Variants in DMD observed in about 807,000 individuals in gnomAD.
DMD encodes the protein mutant dystrophin.
Under a neutral mutation model 330.1 loss-of-function variants are expected in DMD, and 63 were observed. That is an observed-to-expected ratio of 0.19 (90% CI 0.16 to 0.24). The LOEUF (loss-of-function observed/expected upper bound fraction) is 0.24, where lower values mean the gene tolerates loss of function less well. Ranked by LOEUF, DMD falls within the 10% of genes least tolerant of loss-of-function variation. The pLI, the probability that DMD is intolerant of heterozygous loss-of-function variation, is 1.00. For synonymous variants in DMD, 1,223 were observed against 959.8 expected (o/e 1.27, Z -5.07); for missense variants, 3,344 against 2,684.1 (o/e 1.25, Z -5.43).
chrX:32,661,530 A>C (rs1229434736), intron 9 of DMD, among the ~76,000 whole-genome samples: 2 of 111,467 alleles, frequency 1.8e-5, no homozygotes, highest in Non-Finnish European at 3.8e-5. Context: ...GTAATAACTC[A>C]AGGGGAAGAA....
intron 44 of DMD, among the ~76,000 whole-genome samples, chrX:32,134,737 C>G (rs775165763): frequency 2.3e-3 from 258 of 111,435 alleles, no homozygotes; most frequent in African/African-American, 7.2e-3. Flanking sequence ...TTGTTATTGC[C>G]ACTTGTATAA....
chrX:31,563,726 C>G (rs983378252), intron 55 of DMD, among the ~76,000 whole-genome samples: 4 of 111,584 alleles, frequency 3.6e-5, no homozygotes, highest in Non-Finnish European at 7.5e-5. Flanking sequence ...TAAGGCAAAA[C>G]AATGAAAGTG....
At chrX:32,422,703 C>A (rs1235451033) in intron 29 of DMD, among the ~76,000 whole-genome samples, 1 of 111,265 alleles carries the variant, frequency 9.0e-6, no homozygotes, top group African/African-American at 3.3e-5. Flanking sequence ...TATTTTTATT[C>A]CTCATTCCAT....
chrX:33,081,431 G>A (rs751955142), intron 1 of DMD, among the ~76,000 whole-genome samples: 3 of 111,422 alleles, frequency 2.7e-5, no homozygotes, highest in Admixed American at 9.5e-5. Context: ...GTGCCACCAC[G>A]CCTGGCTAAT....
chrX:31,867,308 G>T (rs1426081039), intron 48 of DMD, among the ~76,000 whole-genome samples: 1 of 108,952 alleles, frequency 9.2e-6, no homozygotes, highest in Non-Finnish European at 1.9e-5. Flanking sequence ...AATTTTTTTA[G>T]AAAGTAGTGT....
At chrX:31,776,601 G>A (rs1334017428) in intron 50 of DMD, among the ~76,000 whole-genome samples, 2 of 91,324 alleles carry the variant, frequency 2.2e-5, no homozygotes, top group Non-Finnish European at 4.4e-5. Context: ...GGGAGGGAGG[G>A]AGGGAGGAAG....
intron 7 of DMD, among the ~76,000 whole-genome samples, chrX:32,722,299 CA>C (rs1460412814): frequency 9.0e-6 from 1 of 110,530 alleles, no homozygotes; most frequent in Non-Finnish European, 1.9e-5. Flanking sequence ...AATACAACAA[CA>C]AAAAATATTA....
intron 16 of DMD, among the ~76,000 whole-genome samples, chrX:32,562,713 G>A (rs2051167917): frequency 8.9e-6 from 1 of 112,160 alleles, no homozygotes; most frequent in Non-Finnish European, 1.9e-5. Flanking sequence ...TTCTCCTTAT[G>A]TAATTTTAAT....
chrX:31,775,310 G>T (rs17330076), intron 50 of DMD, among the ~76,000 whole-genome samples: 83 of 111,045 alleles, frequency 7.5e-4, no homozygotes, highest in African/African-American at 2.3e-3. Flanking sequence ...TTTTATAAAC[G>T]CCTGGCTAGT....
intron 7 of DMD, among the ~76,000 whole-genome samples, chrX:32,723,345 A>G (rs2066529427): frequency 9.0e-6 from 1 of 111,373 alleles, no homozygotes; most frequent in Admixed American, 9.6e-5. Flanking sequence ...GGACTTTCAC[A>G]TCTATATTCC....
chrX:31,544,323 C>CAA (rs756215454), intron 55 of DMD, among the ~76,000 whole-genome samples: 2 of 50,861 alleles, frequency 3.9e-5, no homozygotes, highest in East Asian at 5.6e-4. Flanking sequence ...GACTCCGTCT[C>CAA]AAAAAAAAAA....
At chrX:32,501,278 G>A (rs1569564909) in intron 19 of DMD, among the ~76,000 whole-genome samples, 1 of 111,713 alleles carries the variant, frequency 9.0e-6, no homozygotes. Flanking sequence ...TTAAATGAGA[G>A]GAAGTGATAA....
intron 1 of DMD, among the ~76,000 whole-genome samples, chrX:33,295,640 T>A (rs1347357361): frequency 9.0e-6 from 1 of 111,615 alleles, no homozygotes; most frequent in African/African-American, 3.2e-5. Context: ...TAAAGCCTTG[T>A]TCTAAACAAA....
chrX:33,016,825 T>G (rs1279769282), intron 2 of DMD, among the ~76,000 whole-genome samples: 1 of 112,035 alleles, frequency 8.9e-6, no homozygotes, highest in African/African-American at 3.2e-5. Flanking sequence ...AAAATTATTT[T>G]TGGTCATGTT....
At chrX:32,441,463 C>A in intron 27 of DMD, 149 bp from the exon 28 acceptor site, 1 of 493,081 alleles carries the variant, frequency 2.0e-6, no homozygotes, top group Non-Finnish European at 3.4e-6. Flanking sequence ...TGCAGCTAGA[C>A]AGTTTCATCA....
chrX:31,324,384 C>T (rs1189320221), intron 61 of DMD, among the ~76,000 whole-genome samples: 1 of 97,409 alleles, frequency 1.0e-5, no homozygotes, highest in Non-Finnish European at 2.0e-5. Context: ...AATGAATGAT[C>T]TTTGCATTGT....
intron 63 of DMD, among the ~76,000 whole-genome samples, chrX:31,251,689 G>C (rs778894952): frequency 3.6e-5 from 4 of 112,301 alleles, no homozygotes; most frequent in Admixed American, 1.9e-4. Context: ...CAGCAAAATT[G>C]CAGCTCCCAA....
intron 62 of DMD, among the ~76,000 whole-genome samples, chrX:31,284,923 C>T (rs751644982): frequency 7.3e-5 from 8 of 110,027 alleles, no homozygotes; most frequent in South Asian, 4.0e-4. Flanking sequence ...GTCCCTCTTA[C>T]ACCTTGCTTT....
At chrX:31,451,211 T>A (rs1376720614) in intron 59 of DMD, among the ~76,000 whole-genome samples, 6 of 107,691 alleles carry the variant, frequency 5.6e-5, no homozygotes, top group Non-Finnish European at 1.2e-4. Context: ...TCTTCCTTTC[T>A]TTTTTTCAAG....
Sources: allele counts gnomAD v4.1 joint callset (sites outside exome capture counted in the v4.1 genomes callset), GRCh38; gene constraint gnomAD v4.1.1; transcripts MANE v1.5; gene names NCBI Gene and HGNC (gene_info 2026-07-23, HGNC 2026-07-21).